Variants in RC3H2 observed in about 807,000 individuals in gnomAD.
The protein encoded by RC3H2 is roquin-2.
In RC3H2, 31 loss-of-function variants were observed where a neutral mutation model predicts 133.3. That is an observed-to-expected ratio of 0.23 (90% CI 0.17 to 0.31). The LOEUF (loss-of-function observed/expected upper bound fraction) is 0.31, where lower values mean the gene tolerates loss of function less well. Among genes scored for constraint, RC3H2 ranks in the 10% least tolerant of loss-of-function variants. The pLI, the probability that RC3H2 is intolerant of heterozygous loss-of-function variation, is 1.00. For synonymous variants in RC3H2, 517 were observed against 502.2 expected (o/e 1.03, Z -0.40); for missense variants, 1,175 against 1,437.2 (o/e 0.82, Z 2.95).
intron 10 of RC3H2, among the ~76,000 whole-genome samples, chr9:122,863,163 C>T (rs573691723): frequency 6.6e-6 from 1 of 152,178 alleles, no homozygotes; most frequent in Admixed American, 6.5e-5. Context: ...GGACATTTAA[C>T]ATAAATGTGA....
At position 122,865,645 on chromosome 9, in the gene RC3H2, C is replaced by T; in HGVS notation, c.1338G>A (p.Arg446=). Residue 446 remains arginine, a synonymous_variant, in exon 10 of 21, where the codon AGG becomes AGA. Coordinates refer to ENST00000357244, the MANE Select transcript of RC3H2 (RefSeq NM_001100588.3). ...TTACAGTGGCATTGATCTTTTTGTT[C>T]CTTAATCGATACCTGTTTCAAAAAC... ...SQEELEKYRL[R]NKKINATVRT... 1.2e-6 allele frequency: 2 copies of T among 1,610,246 alleles called. No homozygotes were observed. The highest frequency in any genetic ancestry group is 1.7e-6 in the Non-Finnish European group (2 of 1,178,808).
chr9:122,883,095 C>T, intron 5 of RC3H2, 109 bp downstream of exon 5: 1 of 1,019,264 alleles, frequency 9.8e-7, no homozygotes, highest in Admixed American at 2.6e-5. Context: ...TTCCTCTCAA[C>T]TCTTGTAAGC....
rs1483594352 is a variant in RC3H2, at chr9:122,882,239, G to T, written c.759+965C>A. ...ACAGGGCCTAGTGAGGTTGTGTGTG[G>T]AACCAGAGATTAATTTCAATTGTTG... On this transcript the variant is annotated intron_variant, in intron 5 of 20. Transcript: ENST00000357244. Among the ~76,000 whole-genome samples, 3 of 152,152 alleles carry T rather than the reference G, an allele frequency of 2.0e-5. No individual in the cohort carries two copies. The East Asian group carries it at 5.8e-4, about 29-fold the overall frequency.
intron 2 of RC3H2, among the ~76,000 whole-genome samples, chr9:122,895,604 C>T (rs1735478035): frequency 6.6e-6 from 1 of 152,086 alleles, no homozygotes; most frequent in African/African-American, 2.4e-5. Context: ...TGTAGATGCA[C>T]CTTGATTTCA....
chr9:122,877,382 G>C (rs927787520), intron 9 of RC3H2, 89 bp downstream of exon 9: 5 of 1,033,276 alleles, frequency 4.8e-6, no homozygotes, highest in Non-Finnish European at 5.8e-6. Flanking sequence ...TTGCATTTTT[G>C]AAAGTCATCA....
At chr9:122,857,052 T>C (rs560710775) in intron 13 of RC3H2, among the ~76,000 whole-genome samples, 1 of 152,264 alleles carries the variant, frequency 6.6e-6, no homozygotes, top group Non-Finnish European at 1.5e-5. Flanking sequence ...TTAAAAAATA[T>C]AATGCCTAGG....
At chr9:122,895,534 A>G (rs1832381665) in intron 2 of RC3H2, among the ~76,000 whole-genome samples, 4 of 152,188 alleles carry the variant, frequency 2.6e-5, no homozygotes, top group Admixed American at 6.5e-5. Flanking sequence ...TGCAAGAGGC[A>G]ACATTTTATA....
rs74947025 is a variant in RC3H2 at position 122,897,888 on chromosome 9, C to T, written c.-67-312G>A. 1.1e-3 allele frequency: 172 copies of T among 163,040 alleles called. 2 individuals carry two copies. The East Asian group carries it at 0.022, about 21-fold the overall frequency. The allele number at this position is 163,040 out of a possible 1,614,324, so 10.1% of individuals were successfully genotyped here. On this transcript the variant is annotated intron_variant, in intron 1 of 20. Transcript: ENST00000357244. Reference sequence around the variant, plus strand: ...AACAAGCAAATTAACTTTCCATATTCCATTTTTAGGAACACAAATTACTTT... The same window carrying T: ...AACAAGCAAATTAACTTTCCATATTTCATTTTTAGGAACACAAATTACTTT...
intron 9 of RC3H2, among the ~76,000 whole-genome samples, chr9:122,872,777 G>A (rs1359282683): frequency 6.6e-6 from 1 of 152,122 alleles, no homozygotes; most frequent in African/African-American, 2.4e-5. Context: ...TAGAGACAGA[G>A]TTTCCCCCAT....
rs71511545 is a variant in RC3H2, at chr9:122,871,116, C to T, written c.1326-5459G>A. Among the ~76,000 whole-genome samples the T allele has an allele frequency of 4.6e-3, 707 of 152,320 alleles. 5 individuals are homozygous for T. The highest frequency in any genetic ancestry group is 7.8e-3 in the Non-Finnish European group (530 of 68,032). On this transcript the variant is annotated intron_variant, in intron 9 of 20. Coordinates refer to ENST00000357244, the MANE Select transcript of RC3H2 (RefSeq NM_001100588.3). ...TTCCGCTACCAATTCCAGTAACCTT[C>T]CTGCACCTGTAGCCACATTCCTCTT...
At position 122,849,817 on chromosome 9, in the gene RC3H2, TCCTCCCTG is replaced by T; in HGVS notation, c.3381-3_3385del. The stretch of plus-strand genomic sequence containing the variant: ...AGTTACCGGCAGAATTGTTTTTTGC[TCCTCCCTG>T]AGAAAAAAGAAATGACATTAAAAAC... On this transcript the variant is annotated splice_acceptor_variant and splice_polypyrimidine_tract_variant and coding_sequence_variant and intron_variant, in exon 21 of 21. Coordinates refer to ENST00000357244, the MANE Select transcript of RC3H2 (RefSeq NM_001100588.3). LOFTEE classifies it high-confidence loss of function. 6.4e-7 allele frequency: 1 copy of T among 1,564,656 alleles called. No homozygotes were observed. The highest frequency in any genetic ancestry group is 8.6e-7 in the Non-Finnish European group (1 of 1,158,376).
rs1391967684 is a variant in RC3H2 at position 122,858,068 on chromosome 9, C to G, written c.2309G>C (p.Ser770Thr). Residue 770 changes from serine (S) to threonine (T), a missense_variant, in exon 13 of 21, where the codon AGT becomes ACT. By Grantham distance (58) the Ser-to-Thr change is moderately conservative. This residue lies in a region of RC3H2 where 490 missense variants were observed against 492.8 expected (regional missense o/e 0.99). Coordinates refer to ENST00000357244, the MANE Select transcript of RC3H2 (RefSeq NM_001100588.3). ...PREPCGHLKT[S>T]CEEQIRRKPD... ...CTTTCTTCTTATCTGCTCCTCGCAA[C>G]TGGTCTTCAAATGACCACAAGGTTC... The G allele has an allele frequency of 1.2e-6, 2 of 1,614,212 alleles. No homozygotes were observed. The highest frequency in any genetic ancestry group is 4.5e-5 in the East Asian group (2 of 44,882).
chr9:122,904,201 T>C (rs1167373281), intron 1 of RC3H2, among the ~76,000 whole-genome samples: 1 of 151,954 alleles, frequency 6.6e-6, no homozygotes, highest in Non-Finnish European at 1.5e-5. Flanking sequence ...AGGAAGGCCG[T>C]GGGTAAGGGG....
At chr9:122,854,141 T>G (rs1339311320) in intron 17 of RC3H2, 44 bp downstream of exon 17, 3 of 1,611,444 alleles carry the variant, frequency 1.9e-6, no homozygotes, top group Non-Finnish European at 1.7e-6. Context: ...CTTTCAACTG[T>G]CATTCTATTT....
chr9:122,884,670 T>G (rs1401464673), intron 4 of RC3H2, among the ~76,000 whole-genome samples: 1 of 151,958 alleles, frequency 6.6e-6, no homozygotes, highest in Non-Finnish European at 1.5e-5. Context: ...CTGGCCAACA[T>G]GGTGAAACCC....
intron 18 of RC3H2, among the ~76,000 whole-genome samples, chr9:122,852,423 G>A (rs1229166082): frequency 1.4e-5 from 2 of 140,776 alleles, no homozygotes; most frequent in East Asian, 2.2e-4. Context: ...TCAGCCCCCC[G>A]CCTGGCCAGC....
chr9:122,871,857 T>C (rs1412675863), intron 9 of RC3H2, among the ~76,000 whole-genome samples: 1 of 152,156 alleles, frequency 6.6e-6, no homozygotes, highest in African/African-American at 2.4e-5. Context: ...CACTGTCTCA[T>C]AACATCCCAA....
intron 10 of RC3H2, among the ~76,000 whole-genome samples, chr9:122,860,420 T>A (rs1830412891): frequency 6.7e-6 from 1 of 149,776 alleles, no homozygotes; most frequent in Non-Finnish European, 1.5e-5. Context: ...TTTTTTTTTT[T>A]TTTTTGAGAC....
At chr9:122,870,447 G>C (rs1404035501) in intron 9 of RC3H2, among the ~76,000 whole-genome samples, 1 of 151,144 alleles carries the variant, frequency 6.6e-6, no homozygotes, top group East Asian at 1.9e-4. Context: ...TAATCCACAA[G>C]GTTGCTCTAG....
Sources: gnomAD v4.1 joint callset for allele counts (sites outside exome capture counted in the v4.1 genomes callset) on GRCh38, gnomAD v4.1.1 for gene constraint, gnomAD v4.1.1 regional missense constraint, MANE v1.5 for transcripts, NCBI Gene and HGNC (gene_info 2026-07-23, HGNC 2026-07-21) for gene names.